The following MAPRE2 variants were observed in gnomAD, a reference collection of about 807,000 sequenced individuals.
MAPRE2 encodes the protein microtubule-associated protein RP/EB family member 2.
Under a neutral mutation model 43.2 loss-of-function variants are expected in MAPRE2, and 13 were observed. The ratio of observed to expected loss-of-function variants is 0.30; its 90% CI spans 0.20 to 0.48. The LOEUF (loss-of-function observed/expected upper bound fraction) is 0.48, where lower values mean the gene tolerates loss of function less well. Among genes scored for constraint, MAPRE2 ranks in the 20% least tolerant of loss-of-function variants. The pLI, the probability that MAPRE2 is intolerant of heterozygous loss-of-function variation, is 0.99. For missense variants in MAPRE2, 161 were observed against 400.2 expected, an observed-to-expected ratio of 0.40 and a Z score of 5.10; for synonymous variants, 135 against 148.8, an observed-to-expected ratio of 0.91 and a Z score of 0.68.
chr18:35,026,525 C>A (rs1023580927), intron 2 of MAPRE2, among the ~76,000 whole-genome samples: 1 of 151,620 alleles, frequency 6.6e-6, no homozygotes, highest in East Asian at 1.9e-4. Flanking sequence ...TTTTTAGTTG[C>A]TTCCATGGCA....
At chr18:35,084,562 G>T (rs1036579649) in intron 2 of MAPRE2, among the ~76,000 whole-genome samples, 1 of 152,060 alleles carries the variant, frequency 6.6e-6, no homozygotes, top group East Asian at 1.9e-4. Flanking sequence ...TTCTTTTCCT[G>T]TACAAGAAAA....
At chr18:35,129,240 G>A (rs1010068442) in intron 5 of MAPRE2, among the ~76,000 whole-genome samples, 4 of 152,084 alleles carry the variant, frequency 2.6e-5, no homozygotes, top group South Asian at 4.1e-4. Context: ...ATTTATATCC[G>A]TGGTTCACTG....
At chr18:35,068,360 G>T (rs941074900) in intron 1 of MAPRE2, among the ~76,000 whole-genome samples, 1 of 152,120 alleles carries the variant, frequency 6.6e-6, no homozygotes, top group Non-Finnish European at 1.5e-5. Context: ...GGAACATCTC[G>T]TCATATTGGA....
chr18:35,131,053 C>T (rs77878499), intron 5 of MAPRE2, among the ~76,000 whole-genome samples: 2,274 of 152,300 alleles, frequency 0.015, 32 homozygotes, highest in Non-Finnish European at 0.023. Context: ...TTCCCAGTGA[C>T]GTACCCAAAG....
At chr18:35,105,406 G>A (rs1345960708) in intron 4 of MAPRE2, among the ~76,000 whole-genome samples, 2 of 151,808 alleles carry the variant, frequency 1.3e-5, no homozygotes, top group African/African-American at 2.4e-5. Flanking sequence ...GGCATTGTAG[G>A]GTAGTAAAAC....
intron 1 of MAPRE2, among the ~76,000 whole-genome samples, chr18:35,051,099 G>A (rs1402610219): frequency 6.6e-6 from 1 of 152,150 alleles, no homozygotes; most frequent in African/African-American, 2.4e-5. Context: ...GCAGCATGGA[G>A]GACAGTGAGG....
chr18:35,038,545 A>T (rs1434353937), upstream of MAPRE2, among the ~76,000 whole-genome samples: 1 of 152,186 alleles, frequency 6.6e-6, no homozygotes, highest in Non-Finnish European at 1.5e-5. Flanking sequence ...TTGAGCCTGG[A>T]GACCTGAAGC....
chr18:35,003,746 T>A (rs1240893914), intron 1 of MAPRE2, among the ~76,000 whole-genome samples: 2 of 152,224 alleles, frequency 1.3e-5, no homozygotes, highest in African/African-American at 4.8e-5. Context: ...AATGAAAATT[T>A]CATTCTGATT....
chr18:35,057,283 A>G (rs770425809), intron 1 of MAPRE2, among the ~76,000 whole-genome samples: 5 of 152,070 alleles, frequency 3.3e-5, no homozygotes, highest in Non-Finnish European at 7.4e-5. Context: ...CCAAAGCGCT[A>G]GTATTACAGG....
chr18:35,048,585 A>T (rs1905762371), intron 1 of MAPRE2, among the ~76,000 whole-genome samples: 1 of 149,680 alleles, frequency 6.7e-6, no homozygotes, highest in African/African-American at 2.4e-5. Flanking sequence ...TGTATTATAT[A>T]TGTGTGTATG....
chr18:35,013,393 T>G (rs2097036022), intron 2 of MAPRE2, among the ~76,000 whole-genome samples: 1 of 152,190 alleles, frequency 6.6e-6, no homozygotes, highest in Non-Finnish European at 1.5e-5. Flanking sequence ...TTAATTTTGT[T>G]AATTGACAAA....
intron 1 of MAPRE2, among the ~76,000 whole-genome samples, chr18:34,996,331 G>T (rs1192557629): frequency 6.6e-6 from 1 of 152,232 alleles, no homozygotes; most frequent in Middle Eastern, 3.4e-3. Context: ...AGATCATCAA[G>T]CATTAGATTT....
At chr18:34,981,574 T>G (rs2150569121) in intron 1 of MAPRE2, among the ~76,000 whole-genome samples, 1 of 152,290 alleles carries the variant, frequency 6.6e-6, no homozygotes, top group East Asian at 1.9e-4. Flanking sequence ...TACCTTAAAT[T>G]TATATAGCCC....
At chr18:35,125,799 G>A (rs1002702799) in intron 4 of MAPRE2, among the ~76,000 whole-genome samples, 1 of 152,236 alleles carries the variant, frequency 6.6e-6, no homozygotes, top group African/African-American at 2.4e-5. Context: ...CCAGATAGGC[G>A]AGGTCTTACC....
At position 35,061,714 on chromosome 18, in the gene MAPRE2, C is replaced by G. The variant is rs9951467; in HGVS notation, c.123-8481C>G. ...AGAAGCTTTAATACCCAGTTTTAGG[C>G]GAAACTCCATAGTTCCTGTAATCTC... On this transcript the variant is annotated intron_variant, in intron 1 of 6. Transcript: ENST00000300249. Among the ~76,000 whole-genome samples, 174 of 152,270 alleles carry G rather than the reference C, an allele frequency of 1.1e-3. 2 individuals are homozygous for G. Among genetic ancestry groups the G allele is most frequent in the African/African-American group, 3.2e-3 (131 of 41,544 alleles).
intron 2 of MAPRE2, 39 bp from the exon 3 acceptor site, chr18:35,097,407 A>G: frequency 6.3e-7 from 1 of 1,599,372 alleles, no homozygotes; most frequent in Non-Finnish European, 8.5e-7. Flanking sequence ...ATCTGGGTAC[A>G]GTGAGACTCA....
At chr18:35,044,595 T>G (rs771394084) in intron 1 of MAPRE2, among the ~76,000 whole-genome samples, 1 of 152,222 alleles carries the variant, frequency 6.6e-6, no homozygotes, top group African/African-American at 2.4e-5. Context: ...GTTAGAGAGA[T>G]ATTGTGAGGC....
chr18:35,012,394 C>T (rs2097035359), intron 2 of MAPRE2, among the ~76,000 whole-genome samples: 1 of 151,992 alleles, frequency 6.6e-6, no homozygotes, highest in Non-Finnish European at 1.5e-5. Context: ...CAGAGTAGAA[C>T]CTTGAAAATC....
intron 1 of MAPRE2, among the ~76,000 whole-genome samples, chr18:34,993,779 G>C (rs2097025004): frequency 6.6e-6 from 1 of 152,170 alleles, no homozygotes; most frequent in African/African-American, 2.4e-5. Context: ...AATGAAGCTA[G>C]TTGTGTTCTA....
Sources: gnomAD v4.1 joint callset for allele counts (sites outside exome capture counted in the v4.1 genomes callset) on GRCh38, gnomAD v4.1.1 for gene constraint, MANE v1.5 for transcripts, NCBI Gene and HGNC (gene_info 2026-07-23, HGNC 2026-07-21) for gene names.